The following ZNF670 variants were observed in gnomAD, a reference collection of about 807,000 sequenced individuals.
ZNF670 encodes zinc finger protein 670.
A neutral mutation model predicts 10.9 loss-of-function variants in ZNF670; 7 were observed. The observed-to-expected ratio is 0.64, with a 90% confidence interval of 0.36 to 1.20. The LOEUF (loss-of-function observed/expected upper bound fraction) is 1.20, where lower values mean the gene tolerates loss of function less well. Ranked by LOEUF, ZNF670 falls within the 50% of genes most tolerant of loss-of-function variation. ZNF670 has a pLI of 0.02. For missense variants in ZNF670, 446 were observed against 458.6 expected (o/e 0.97, Z 0.25); for synonymous variants, 136 against 152.7 (o/e 0.89, Z 0.81).
At chr1:247,061,174 TA>T (rs1433059770) in intron 1 of ZNF670, among the ~76,000 whole-genome samples, 3 of 145,328 alleles carry the variant, frequency 2.1e-5, no homozygotes, top group Non-Finnish European at 4.5e-5. Context: ...GTCAAGCTGT[TA>T]AAAGTAAATT....
chr1:247,037,861 T>C lies in ZNF670; in HGVS notation c.758A>G (p.Tyr253Cys), dbSNP rs376049479. 8 of 1,613,556 alleles carry C rather than the reference T, an allele frequency of 5.0e-6. No individual in the cohort carries two copies. Among genetic ancestry groups the C allele is most frequent in the African/African-American group, 2.7e-5 (2 of 74,872 alleles). The change falls in exon 4 of 4, where the codon TAT becomes TGT. Residue 253 changes from tyrosine (Y) to cysteine (C), a missense_variant. Transcript: ENST00000366503. ...HERSHTGEKPYECKECGKAFS... is the reference protein window; with the variant it reads ...HERSHTGEKPCECKECGKAFS... The stretch of plus-strand genomic sequence containing the variant: ...GGCTTTGCCACATTCCTTACATTCA[T>C]AGGGTTTCTCTCCAGTATGAGATCT...
intron 1 of ZNF670, among the ~76,000 whole-genome samples, chr1:247,075,877 G>T (rs1671239546): frequency 6.6e-6 from 1 of 152,256 alleles, no homozygotes; most frequent in African/African-American, 2.4e-5. Flanking sequence ...GAACAGACTT[G>T]AGAAACTTAC....
intron 1 of ZNF670, among the ~76,000 whole-genome samples, chr1:247,062,765 G>T (rs1221020376): frequency 6.6e-6 from 1 of 152,216 alleles, no homozygotes; most frequent in Non-Finnish European, 1.5e-5. Flanking sequence ...TAGCATTTTA[G>T]ATGAAGGGTC....
chr1:247,070,199 T>C (rs1390983655), intron 1 of ZNF670, among the ~76,000 whole-genome samples: 1 of 152,010 alleles, frequency 6.6e-6, no homozygotes, highest in Non-Finnish European at 1.5e-5. Context: ...TGGCCAGGCA[T>C]GGTAGCTCAC....
At chr1:247,071,746 A>T (rs1671120009) in intron 1 of ZNF670, among the ~76,000 whole-genome samples, 1 of 152,240 alleles carries the variant, frequency 6.6e-6, no homozygotes, top group Non-Finnish European at 1.5e-5. Context: ...GTTATTTTTT[A>T]AATTTGAGTT....
intron 3 of ZNF670, among the ~76,000 whole-genome samples, 181 bp from the exon 4 acceptor site, chr1:247,038,608 T>G (rs1317326170): frequency 6.6e-6 from 1 of 152,222 alleles, no homozygotes; most frequent in African/African-American, 2.4e-5. Context: ...GATAGTCACA[T>G]GTACAGTATC....
chr1:247,049,683 C>T (rs1460916550), intron 1 of ZNF670, among the ~76,000 whole-genome samples: 1 of 152,154 alleles, frequency 6.6e-6, no homozygotes, highest in Non-Finnish European at 1.5e-5. Flanking sequence ...CTTAGCACTA[C>T]CTTTGCTGTA....
rs1427040177 is a variant in ZNF670, at chr1:247,038,856, C to G, written c.145G>C (p.Asp49His). 1.2e-6 allele frequency: 2 copies of G among 1,612,220 alleles called. No homozygotes were observed. Among genetic ancestry groups the G allele is most frequent in the Admixed American group, 1.7e-5 (1 of 59,864 alleles). Residue 49 changes from aspartate (D) to histidine (H), a missense_variant, in exon 3 of 4, where the codon GAC becomes CAC. Transcript: ENST00000366503. ...NLASVGNKSE[D>H]QNIQDDFKNP... ...TTGAAGTCATCTTGGATATTCTGGT[C>G]TTCTGATTTGTTTCCTAAAAGGTAC... is the stretch of plus-strand genomic sequence containing the variant.
chr1:247,052,004 T>C lies in ZNF670; in HGVS notation c.4-12467A>G, dbSNP rs566742162. On this transcript the variant is annotated intron_variant, in intron 1 of 3. Transcript: ENST00000366503. ...CCATGTCCTGTATTTTTTTTTTTTT[T>C]TTGTAATTCCCTTAAAGTGGTTTCC... Among the ~76,000 whole-genome samples the C allele has an allele frequency of 1.1e-4, 17 of 151,968 alleles. No individual in the cohort carries two copies. The East Asian group carries it at 3.1e-3, about 28-fold the overall frequency.
chr1:247,035,020 C>G lies in ZNF670; in HGVS notation c.*2429G>C, dbSNP rs528783159. ...AGAGTTCTACTGTGGGAAGAGGTGG[C>G]AACAGCTGATAACACAAAGCACTGT... is the stretch of plus-strand genomic sequence containing the variant. On this transcript the variant is annotated 3_prime_UTR_variant, in exon 4 of 4. Coordinates refer to ENST00000366503, the MANE Select transcript of ZNF670 (RefSeq NM_033213.5). Among the ~76,000 whole-genome samples, 1 of 152,278 alleles carries G rather than the reference C, an allele frequency of 6.6e-6. No individual in the cohort carries two copies. Among genetic ancestry groups the G allele is most frequent in the Non-Finnish European group, 1.5e-5 (1 of 68,016 alleles).
chr1:247,049,140 C>T, intron 1 of ZNF670, among the ~76,000 whole-genome samples: 1 of 138,166 alleles, frequency 7.2e-6, no homozygotes, highest in African/African-American at 2.8e-5. Flanking sequence ...ACTCTGTCAT[C>T]CAGGCTGGAG....
At chr1:247,061,206 G>C (rs547627553) in intron 1 of ZNF670, among the ~76,000 whole-genome samples, 192 of 146,352 alleles carry the variant, frequency 1.3e-3, no homozygotes, top group African/African-American at 4.7e-3. Context: ...TTTTGAGATG[G>C]AGTCTCGCTC....
At chr1:247,064,474 T>A (rs888551536) in intron 1 of ZNF670, among the ~76,000 whole-genome samples, 5 of 152,210 alleles carry the variant, frequency 3.3e-5, no homozygotes, top group Non-Finnish European at 5.9e-5. Flanking sequence ...GCTTCCTTCC[T>A]GTGTTGGGAC....
At chr1:247,062,852 G>A (rs528423441) in intron 1 of ZNF670, among the ~76,000 whole-genome samples, 3 of 152,194 alleles carry the variant, frequency 2.0e-5, no homozygotes, top group East Asian at 3.9e-4. Context: ...TCTGTCCTCC[G>A]GAAGAAGATG....
chr1:247,072,961 A>G (rs1244168259), intron 1 of ZNF670, among the ~76,000 whole-genome samples: 3 of 151,610 alleles, frequency 2.0e-5, no homozygotes, highest in African/African-American at 7.3e-5. Flanking sequence ...ATAAAAAAAG[A>G]GCAAAATTCT....
chr1:247,043,356 A>C (rs963650338), intron 1 of ZNF670: 13 of 550,712 alleles, frequency 2.4e-5, no homozygotes, highest in Middle Eastern at 3.1e-4. Flanking sequence ...TGAGTATTTG[A>C]GCCTTGTAAA....
intron 1 of ZNF670, among the ~76,000 whole-genome samples, chr1:247,042,174 C>T (rs958789409): frequency 2.8e-4 from 43 of 152,130 alleles, no homozygotes; most frequent in Non-Finnish European, 3.1e-4. Context: ...TGCCTTATAA[C>T]GTGATCTGAG....
chr1:247,073,735 C>T (rs1198090026), intron 1 of ZNF670, among the ~76,000 whole-genome samples: 1 of 152,160 alleles, frequency 6.6e-6, no homozygotes, highest in African/African-American at 2.4e-5. Context: ...ACACATACCC[C>T]ATAAGCTCAC....
At chr1:247,061,310 A>G (rs1195694963) in intron 1 of ZNF670, among the ~76,000 whole-genome samples, 1 of 151,500 alleles carries the variant, frequency 6.6e-6, no homozygotes. Flanking sequence ...CCTCCCAAGT[A>G]GCTGGGATTA....
Sources: gnomAD v4.1 joint callset for allele counts (sites outside exome capture counted in the v4.1 genomes callset) on GRCh38, gnomAD v4.1.1 for gene constraint, MANE v1.5 for transcripts, NCBI Gene and HGNC (gene_info 2026-07-23, HGNC 2026-07-21) for gene names.